The following STOML1 variants were observed in gnomAD, a reference collection of about 807,000 sequenced individuals.
STOML1 encodes the protein stomatin-like protein 1.
A neutral mutation model predicts 35.7 loss-of-function variants in STOML1; 27 were observed. The observed-to-expected ratio is 0.76, with a 90% CI of 0.56 to 1.04. STOML1 has a LOEUF of 1.04. Ranked by LOEUF, STOML1 falls within the 50% of genes least tolerant of loss-of-function variation. The pLI is 0.00. For synonymous variants in STOML1, 219 were observed against 227.9 expected (o/e 0.96, Z 0.35); for missense variants, 451 against 527.1 (o/e 0.86, Z 1.41).
Position 73,979,303 on chromosome 15 carries a change from C to T in STOML1, c.*4634G>A, listed in dbSNP as rs2068934805. ...TTGATTGTAGGGGGTGGTGGTTACT[C>T]AGGTGTTCACATTTGTCAAAGCACC... On this transcript the variant is annotated 3_prime_UTR_variant, in exon 7 of 7. Coordinates refer to ENST00000541638, the MANE Select transcript of STOML1 (RefSeq NM_004809.5). 1 of 152,156 alleles carries T rather than the reference C, an allele frequency of 6.6e-6. No homozygotes were observed. Among genetic ancestry groups the T allele is most frequent in the Non-Finnish European group, 1.5e-5 (1 of 68,014 alleles). 9.4% of individuals were successfully genotyped at this position (152,156 alleles called of 1,614,324 possible). A position where few individuals can be genotyped will look rare whatever the true frequency, so the allele number is the denominator to read the frequency against.
upstream of STOML1, chr15:73,992,447 G>A (rs374253467): frequency 1.5e-4 from 60 of 405,632 alleles, no homozygotes; most frequent in Middle Eastern, 1.4e-3. Flanking sequence ...TACTGGGTGT[G>A]ATCGGCGTTC....
intron 6 of STOML1, 95 bp from the exon 7 acceptor site, chr15:73,984,225 G>A (rs1438104925): frequency 7.6e-6 from 10 of 1,312,660 alleles, no homozygotes; most frequent in African/African-American, 4.4e-5. Context: ...CCCATTGGGA[G>A]GAGAGTACTG....
At position 73,984,683 on chromosome 15, in the gene STOML1, C is replaced by T. The variant is rs758398235; in HGVS notation, c.979G>A (p.Ala327Thr). ...CCTGTAGTGAGGTCCAGGAAGTAGG[C>T]GCTTTGGGTGCCGCTGGGCAGGACG... ...NVVLPSGTQS[A>T]YFLDLTTGRG... The change falls in exon 6 of 7, where the codon GCC (alanine) becomes ACC (threonine). Residue 327 changes from alanine (A) to threonine (T), a missense_variant. Coordinates refer to ENST00000541638, the MANE Select transcript of STOML1 (RefSeq NM_004809.5). The T allele has an allele frequency of 2.6e-5, 42 of 1,614,034 alleles. No homozygotes were observed. Among genetic ancestry groups the T allele is most frequent in the African/African-American group, 2.3e-4 (17 of 74,936 alleles).
At position 73,979,059 on chromosome 15, in the gene STOML1, C is replaced by G. The variant is rs542005454; in HGVS notation, c.*4878G>C. ...TTGGCAATACAACAAACTACAGATA[C>G]ACAGAATAACATGTATTACTCTCAA... On this transcript the variant is annotated 3_prime_UTR_variant, in exon 7 of 7. Coordinates refer to ENST00000541638, the MANE Select transcript of STOML1 (RefSeq NM_004809.5). 1 of 152,298 alleles carries G rather than the reference C, an allele frequency of 6.6e-6. No individual in the cohort carries two copies. Among genetic ancestry groups the G allele is most frequent in the South Asian group, 2.1e-4 (1 of 4,824 alleles). 9.4% of individuals were successfully genotyped at this position (152,298 alleles called of 1,614,324 possible).
intron 4 of STOML1, 192 bp from the exon 5 acceptor site, chr15:73,985,705 G>T: frequency 1.6e-6 from 1 of 635,966 alleles, no homozygotes. Context: ...AGCAAGGCCT[G>T]TGGTGAGCCC....
At chr15:73,990,293 A>G in intron 2 of STOML1, 58 bp downstream of exon 2, 1 of 1,501,066 alleles carries the variant, frequency 6.7e-7, no homozygotes, top group Non-Finnish European at 9.2e-7. Context: ...TTTATTCATC[A>G]ATGCCAAAGC....
chr15:73,983,823 A>G lies in STOML1; in HGVS notation c.*114T>C. On this transcript the variant is annotated 3_prime_UTR_variant, in exon 7 of 7. Transcript: ENST00000541638. ...ATTCATGGGCTCTTGGCTGGGCCTGAAATTTGTTAGGGCCTCAACTCTCTG... is the reference window on the plus strand; with the variant it reads ...ATTCATGGGCTCTTGGCTGGGCCTGGAATTTGTTAGGGCCTCAACTCTCTG... The G allele has an allele frequency of 5.4e-6, 7 of 1,285,056 alleles. No individual in the cohort carries two copies. The highest frequency in any genetic ancestry group is 7.4e-6 in the Non-Finnish European group (7 of 946,084). The allele number at this position is 1,285,056 out of a possible 1,614,324, so 79.6% of individuals were successfully genotyped here.
rs1245157790 is a variant in STOML1, at chr15:73,980,125, C to T, written c.*3812G>A. 6.6e-6 allele frequency: 1 copy of T among 151,946 alleles called. No homozygotes were observed. Among genetic ancestry groups the T allele is most frequent in the East Asian group, 1.9e-4 (1 of 5,192 alleles). The allele number at this position is 151,946 out of a possible 1,614,324, so 9.4% of individuals were successfully genotyped here. On this transcript the variant is annotated 3_prime_UTR_variant, in exon 7 of 7. Coordinates refer to ENST00000541638, the MANE Select transcript of STOML1 (RefSeq NM_004809.5). ...TACAAATTTTCACTTTCCAGAATGT[C>T]AAAAGACCCAAAAGTTTAATAACAC...
rs2069254630 is a variant in STOML1 at position 73,990,919 on chromosome 15, G to A, written c.134-462C>T. On this transcript the variant is annotated intron_variant, in intron 1 of 6. Coordinates refer to ENST00000541638, the MANE Select transcript of STOML1 (RefSeq NM_004809.5). ...TCAGCCCCAGAAGTGTGCTTTCCAG[G>A]AGTCCTTATGAAGATGATGCCTTAG... 16 of 1,521,982 alleles carry A rather than the reference G, an allele frequency of 1.1e-5. 1 individual carries two copies. The South Asian group carries it at 1.8e-4, about 17-fold the overall frequency. 94.3% of individuals were successfully genotyped at this position (1,521,982 alleles called of 1,614,324 possible). A position where few individuals can be genotyped will look rare whatever the true frequency, so the allele number is the denominator to read the frequency against.
Position 73,988,704 on chromosome 15 carries a change from G to A in STOML1, c.489C>T (p.Asn163=), listed in dbSNP as rs773698209. ...VLSVMTVKDL[N]TATRMTAQNA... is the part of the protein sequence containing the mutation. Reference sequence around the variant, plus strand: ...TCTGGGCTGTCATGCGTGTGGCTGTGTTCAGGTCTTTCACAGTCATCACCG... The same window carrying A: ...TCTGGGCTGTCATGCGTGTGGCTGTATTCAGGTCTTTCACAGTCATCACCG... The change falls in exon 4 of 7, where the codon AAC becomes AAT. Residue 163 remains asparagine (N), a synonymous_variant. Coordinates refer to ENST00000541638, the MANE Select transcript of STOML1 (RefSeq NM_004809.5). The surrounding 1 kb of genome is among the most constrained non-coding windows in gnomAD (Gnocchi z 4.8). 1 of 1,614,196 alleles carries A rather than the reference G, an allele frequency of 6.2e-7. No individual in the cohort carries two copies. The highest frequency in any genetic ancestry group is 1.7e-5 in the Admixed American group (1 of 60,016).
Position 73,990,387 on chromosome 15 carries a change from C to G in STOML1, c.204G>C (p.Leu68Phe). Residue 68 changes from leucine to phenylalanine, a missense_variant, in exon 2 of 7, where the codon TTG becomes TTC. Coordinates refer to ENST00000541638, the MANE Select transcript of STOML1 (RefSeq NM_004809.5). ...LISFLGFLLL[L>F]VTFPISGWFA... ...ACCAGCCAGAAATGGGGAAGGTGAC[C>G]AACAGCAGCAAGAACCCCAGGAAAC... is the stretch of plus-strand genomic sequence containing the variant. 6.2e-7 allele frequency: 1 copy of G among 1,614,124 alleles called. No homozygotes were observed. The highest frequency in any genetic ancestry group is 1.7e-4 in the Middle Eastern group (1 of 6,058).
intron 1 of STOML1, chr15:73,990,671 C>G: frequency 2.1e-6 from 2 of 975,362 alleles, no homozygotes; most frequent in Non-Finnish European, 3.1e-6. Flanking sequence ...CTCATTTGTC[C>G]CAAGTCCAAC....
intron 2 of STOML1, chr15:73,989,934 T>C: frequency 5.7e-6 from 1 of 176,000 alleles, no homozygotes; most frequent in Non-Finnish European, 1.2e-5. Flanking sequence ...GAACTATAGC[T>C]CCATGGTTCA....
At chr15:73,985,679 TA>T (rs2141666589) in intron 4 of STOML1, 166 bp from the exon 5 acceptor site, 1 of 843,604 alleles carries the variant, frequency 1.2e-6, no homozygotes, top group East Asian at 3.3e-5. Flanking sequence ...TCAGCTGTGG[TA>T]AGTGCCAAGA....
Position 73,984,860 on chromosome 15 carries a change from C to T in STOML1, c.802G>A (p.Glu268Lys). Residue 268 changes from glutamate (E) to lysine (K), a missense_variant, in exon 6 of 7, where the codon GAG becomes AAG. Glu to Lys is a moderately conservative substitution (Grantham distance 56, BLOSUM62 1). Transcript: ENST00000541638. ...APSPGPADTV[E>K]MVSEVEPPAP... The stretch of plus-strand genomic sequence containing the variant: ...GGTGGCTCAACTTCACTCACCATCT[C>T]CACGGTGTCTGCTGGGGGTGGCCAA... 1.2e-6 allele frequency: 2 copies of T among 1,613,992 alleles called. No homozygotes were observed. The highest frequency in any genetic ancestry group is 1.7e-6 in the Non-Finnish European group (2 of 1,180,032).
chr15:73,989,304 T>C lies in STOML1; in HGVS notation c.241-47A>G, dbSNP rs760309713. On this transcript the variant is annotated intron_variant, in intron 2 of 6. Transcript: ENST00000541638. ...AGAGTTGAAAGTGGTCAGCCTAGGC[T>C]GGCCAATGCTGTCTGCCTAGGTCCC... is the stretch of plus-strand genomic sequence containing the variant. The C allele has an allele frequency of 2.7e-6, 4 of 1,504,234 alleles. No individual in the cohort carries two copies. In the East Asian group the frequency reaches 9.3e-5, roughly 35 times the overall value. The allele number at this position is 1,504,234 out of a possible 1,614,324, so 93.2% of individuals were successfully genotyped here. A position where few individuals can be genotyped will look rare whatever the true frequency, so the allele number is the denominator to read the frequency against.
Position 73,989,232 on chromosome 15 carries a change from A to G in STOML1, c.266T>C (p.Ile89Thr), listed in dbSNP as rs1463158905. The G allele has an allele frequency of 1.9e-6, 3 of 1,607,228 alleles. No individual in the cohort carries two copies. In the South Asian group the frequency reaches 3.3e-5, roughly 18 times the overall value. Residue 89 changes from isoleucine (I) to threonine (T), a missense_variant, in exon 3 of 7, where the codon ATT (isoleucine) becomes ACT (threonine). Ile to Thr is a moderately conservative substitution (Grantham distance 89, BLOSUM62 -1). Coordinates refer to ENST00000541638, the MANE Select transcript of STOML1 (RefSeq NM_004809.5). ...LKIVPTYERM[I>T]VFRLGRIRTP... ...GCGGATCCGGCCCAGGCGGAACACA[A>G]TCATCCGCTCGTAGGTGGGCACAAT...
intron 6 of STOML1, 67 bp downstream of exon 6, chr15:73,984,592 C>G: frequency 3.2e-6 from 5 of 1,577,402 alleles, no homozygotes; most frequent in Non-Finnish European, 4.3e-6. Context: ...ACGAGAGCAC[C>G]ACTGGGGTAG....
chr15:73,984,097 C>T lies in STOML1; in HGVS notation c.1037G>A (p.Gly346Asp). The change falls in exon 7 of 7, where the codon GGC becomes GAC. Residue 346 changes from glycine to aspartate, a missense_variant. Physicochemically the swap from Gly to Asp is moderately conservative, Grantham distance 94. Coordinates refer to ENST00000541638, the MANE Select transcript of STOML1 (RefSeq NM_004809.5). The part of the protein sequence containing the change: ...RGRVGHGVPD[G>D]IPDVVVEMAE... ...CATCTCCACCACCACATCAGGGATG[C>T]CATCAGGCACCCCGTGTCCCACTCT... 6.2e-7 allele frequency: 1 copy of T among 1,613,696 alleles called. No individual in the cohort carries two copies. The highest frequency in any genetic ancestry group is 8.5e-7 in the Non-Finnish European group (1 of 1,179,762).
Sources: allele counts gnomAD v4.1 joint callset, GRCh38; gene constraint gnomAD v4.1.1; non-coding constraint Gnocchi (gnomAD v3.1); transcripts MANE v1.5; gene names NCBI Gene and HGNC (gene_info 2026-07-23, HGNC 2026-07-21).